RASA3: variants seen among roughly 807,000 people sequenced by gnomAD.
RASA3 encodes RAS p21 protein activator 3, also known as ras GTPase-activating protein 3.
RASA3 carries 73 observed loss-of-function variants against 110.0 expected under a neutral mutation model. That is an observed-to-expected ratio of 0.66 (90% CI 0.55 to 0.81). The LOEUF (loss-of-function observed/expected upper bound fraction) is 0.81. Ranked by LOEUF, RASA3 falls within the 30% of genes least tolerant of loss-of-function variation. The pLI, the probability that RASA3 is intolerant of heterozygous loss-of-function variation, is 0.00. For synonymous variants in RASA3, 500 were observed against 451.4 expected (o/e 1.11, Z -1.37); for missense variants, 976 against 1,113.2 (o/e 0.88, Z 1.75).
intron 1 of RASA3, among the ~76,000 whole-genome samples, chr13:114,108,307 A>G (rs1482749259): frequency 1.4e-5 from 1 of 70,754 alleles, no homozygotes; most frequent in Non-Finnish European, 2.9e-5. Flanking sequence ...CATGTCTGTC[A>G]CCCTGAAACC....
intron 2 of RASA3, among the ~76,000 whole-genome samples, chr13:114,070,387 A>G (rs1487655907): frequency 6.6e-6 from 1 of 151,940 alleles, no homozygotes; most frequent in Non-Finnish European, 1.5e-5. Flanking sequence ...CTAATACAGG[A>G]CTCTGTTAAT....
chr13:114,131,651 G>T (rs1372251802), intron 1 of RASA3, among the ~76,000 whole-genome samples: 1 of 152,222 alleles, frequency 6.6e-6, no homozygotes, highest in African/African-American at 2.4e-5. Flanking sequence ...ACGTGGTGCC[G>T]ATGGGTCCGG....
At chr13:114,018,700 G>T in intron 10 of RASA3, 63 bp downstream of exon 10, 3 of 1,584,932 alleles carry the variant, frequency 1.9e-6, no homozygotes, top group South Asian at 1.1e-5. Context: ...CCGGGTGTAG[G>T]GTGGGGCCCC....
Position 114,115,615 on chromosome 13 carries a change from C to T in RASA3, c.55+16820G>A, listed in dbSNP as rs536218114. Reference sequence around the variant, plus strand: ...CCCTCTGCAGGCCTCGTGTCCCCCTCGCTGTCGCCTGCCGATTTGGTGGCT... The same window carrying T: ...CCCTCTGCAGGCCTCGTGTCCCCCTTGCTGTCGCCTGCCGATTTGGTGGCT... On this transcript the variant is annotated intron_variant, in intron 1 of 23. Coordinates refer to ENST00000334062, the MANE Select transcript of RASA3 (RefSeq NM_007368.4). This position sits in a 1 kb window ranked among gnomAD's most constrained non-coding sequence, Gnocchi z 5.0. 1.3e-5 allele frequency among the ~76,000 whole-genome samples: 2 copies of T among 152,330 alleles called. No homozygotes were observed. Among genetic ancestry groups the T allele is most frequent in the East Asian group, 3.9e-4 (2 of 5,180 alleles).
Position 114,110,934 on chromosome 13 carries a change from G to A in RASA3, c.55+21501C>T, listed in dbSNP as rs80030251. On this transcript the variant is annotated intron_variant, in intron 1 of 23. Transcript: ENST00000334062. ...GGGCCCCGGTCGGGGGCTGAGCCAC[G>A]CTCTGGTCAGGAAAGACATCGCCAG... Among the ~76,000 whole-genome samples, 715 of 152,114 alleles carry A rather than the reference G, an allele frequency of 4.7e-3. 14 individuals are homozygous for A. Among genetic ancestry groups the A allele is most frequent in the African/African-American group, 0.014 (582 of 41,478 alleles).
intron 1 of RASA3, among the ~76,000 whole-genome samples, chr13:114,080,979 A>G: frequency 6.6e-6 from 1 of 151,566 alleles, no homozygotes; most frequent in African/African-American, 2.4e-5. Context: ...GAACACCAAG[A>G]GTGCCCCTCG....
chr13:114,132,349 G>T, intron 1 of RASA3, 86 bp downstream of exon 1: 1 of 1,340,982 alleles, frequency 7.5e-7, no homozygotes, highest in Non-Finnish European at 9.7e-7. Flanking sequence ...GGGGTCCCCA[G>T]CAAGGATCTG....
intron 3 of RASA3, among the ~76,000 whole-genome samples, chr13:114,041,532 A>G (rs1291767740): frequency 6.6e-6 from 1 of 152,258 alleles, no homozygotes; most frequent in African/African-American, 2.4e-5. Flanking sequence ...TCACAGCAGG[A>G]GGTGCCTCGG....
At chr13:114,051,064 G>C (rs9525354) in intron 3 of RASA3, among the ~76,000 whole-genome samples, 152,324 of 152,330 alleles carry the variant, frequency 1, 76,159 homozygotes, top group Middle Eastern at 1. Flanking sequence ...CAGATGGACC[G>C]GGACCCCGCC....
At chr13:114,018,281 G>A (rs1156564843) in intron 10 of RASA3, 29 bp from the exon 11 acceptor site, 19 of 1,541,136 alleles carry the variant, frequency 1.2e-5, no homozygotes, top group African/African-American at 5.5e-5. Flanking sequence ...TCAGTGCCAG[G>A]GCCCGGGGTG....
rs527900774 is a variant in RASA3, at chr13:114,077,277, C to A, written c.56-3440G>T. ...ATCCCCCTGCGCTGGCGCCAACACA[C>A]CAGATTCATCCCTCCCTGCCTGATG... is the stretch of plus-strand genomic sequence containing the variant. On this transcript the variant is annotated intron_variant, in intron 1 of 23. Coordinates refer to ENST00000334062, the MANE Select transcript of RASA3 (RefSeq NM_007368.4). Among the ~76,000 whole-genome samples the A allele has an allele frequency of 1.6e-3, 246 of 152,308 alleles. 2 individuals carry two copies. The highest frequency in any genetic ancestry group is 5.6e-3 in the African/African-American group (234 of 41,552).
intron 18 of RASA3, among the ~76,000 whole-genome samples, chr13:114,005,464 T>A (rs2053493942): frequency 6.6e-6 from 1 of 151,470 alleles, no homozygotes; most frequent in African/African-American, 2.4e-5. Flanking sequence ...GACACAGACG[T>A]CCCCCTCCAA....
chr13:114,087,155 G>C lies in RASA3; in HGVS notation c.56-13318C>G, dbSNP rs12430709. ...TGAGTCTGGAGTATCGACTCCCTTC[G>C]TCCTCGCGGGGAAATCCCGGGGAAG... On this transcript the variant is annotated intron_variant, in intron 1 of 23. Transcript: ENST00000334062. 6.5e-3 allele frequency among the ~76,000 whole-genome samples: 349 copies of C among 53,396 alleles called. 4 individuals are homozygous for C. The highest frequency in any genetic ancestry group is 0.013 in the Middle Eastern group (1 of 76). 35.0% of individuals were successfully genotyped at this position (53,396 alleles called of 152,430 possible).
chr13:114,042,052 A>G (rs916630799), intron 3 of RASA3, among the ~76,000 whole-genome samples: 3 of 152,264 alleles, frequency 2.0e-5, no homozygotes, highest in South Asian at 2.1e-4. Flanking sequence ...GTATCAGAAT[A>G]TATTTGTACA....
chr13:114,121,641 G>A (rs1218442570), intron 1 of RASA3, among the ~76,000 whole-genome samples: 5 of 152,228 alleles, frequency 3.3e-5, no homozygotes, highest in Admixed American at 6.5e-5. Context: ...CTCAGGCACA[G>A]CTCGACCTTT....
intron 1 of RASA3, among the ~76,000 whole-genome samples, chr13:114,081,991 A>T (rs1321327261): frequency 6.6e-6 from 1 of 152,214 alleles, no homozygotes; most frequent in Non-Finnish European, 1.5e-5. Flanking sequence ...AGCTTCTCAC[A>T]GGACAAATGC....
At chr13:114,078,843 G>A (rs1430647390) in intron 1 of RASA3, among the ~76,000 whole-genome samples, 2 of 152,162 alleles carry the variant, frequency 1.3e-5, no homozygotes, top group Admixed American at 6.5e-5. Context: ...GCCCACACAG[G>A]GTCTCCAAGT....
intron 2 of RASA3, among the ~76,000 whole-genome samples, chr13:114,070,701 C>T (rs905706717): frequency 1.4e-4 from 20 of 143,398 alleles, no homozygotes; most frequent in East Asian, 6.4e-4. Context: ...CCACGCTAAA[C>T]GGCGCCACAG....
intron 1 of RASA3, among the ~76,000 whole-genome samples, chr13:114,083,523 T>G (rs1338782284): frequency 7.1e-6 from 1 of 141,152 alleles, no homozygotes; most frequent in Non-Finnish European, 1.6e-5. Flanking sequence ...GAGTCTGGAG[T>G]ATCGACTCCC....
Sources: gnomAD v4.1 joint callset for allele counts (sites outside exome capture counted in the v4.1 genomes callset) on GRCh38, gnomAD v4.1.1 for gene constraint, Gnocchi (gnomAD v3.1) non-coding constraint, MANE v1.5 for transcripts, NCBI Gene and HGNC (gene_info 2026-07-23, HGNC 2026-07-21) for gene names.